Variants in ZNF347 observed in about 807,000 individuals in gnomAD.
ZNF347 encodes the protein CTD-2620I22.7.
Under a neutral mutation model 12.9 loss-of-function variants are expected in ZNF347, and 19 were observed. The ratio of observed to expected loss-of-function variants is 1.47; its 90% CI spans 1.03 to 2.16. The LOEUF is 2.16. Among genes scored for constraint, ZNF347 ranks in the 30% most tolerant of loss-of-function variants. The pLI, the probability that ZNF347 is intolerant of heterozygous loss-of-function variation, is 0.00. For synonymous variants in ZNF347, 328 were observed against 340.6 expected, an observed-to-expected ratio of 0.96 and a Z score of 0.41; for missense variants, 1,005 against 990.6, an observed-to-expected ratio of 1.01 and a Z score of -0.19.
At chr19:53,147,360 A>G (rs985942580) in intron 4 of ZNF347, among the ~76,000 whole-genome samples, 3 of 151,696 alleles carry the variant, frequency 2.0e-5, no homozygotes, top group Admixed American at 2.0e-4. Flanking sequence ...GGACAAGAGA[A>G]CGAGACTGCA....
At chr19:53,144,120 C>T (rs2090446967) in intron 4 of ZNF347, among the ~76,000 whole-genome samples, 1 of 151,356 alleles carries the variant, frequency 6.6e-6, no homozygotes, top group South Asian at 2.1e-4. Flanking sequence ...TAGTATAAGT[C>T]CTTACCTATC....
In ZNF347 at chr19:53,135,385, G is replaced by A. The variant is rs918611289; in HGVS notation, c.*4923C>T. ...AGAGAGAGAAAGAGAGAGAGAGAGA[G>A]AGAGAGAGATGGAGTCCCGCTCTGT... On this transcript the variant is annotated 3_prime_UTR_variant, in exon 5 of 5. Coordinates refer to ENST00000334197, the MANE Select transcript of ZNF347 (RefSeq NM_032584.3). The A allele has an allele frequency of 1.3e-5, 2 of 148,842 alleles. No homozygotes were observed. Among genetic ancestry groups the A allele is most frequent in the Non-Finnish European group, 3.0e-5 (2 of 67,238 alleles). The allele number at this position is 148,842 out of a possible 1,614,324, so 9.2% of individuals were successfully genotyped here.
In ZNF347 at chr19:53,141,081, G is replaced by A. The variant is rs1361145629; in HGVS notation, c.1747C>T (p.His583Tyr). ...ECGKVFTQNS[H>Y]LARHRGIHTG... ...TGAATTCCCCGATGTCTTGCAAGGT[G>A]TGAATTCTGAGTGAAGACCTTGCCA... Residue 583 changes from histidine to tyrosine, a missense_variant, in exon 5 of 5, where the codon CAC becomes TAC. Transcript: ENST00000334197. 1.9e-6 allele frequency: 3 copies of A among 1,613,664 alleles called. No individual in the cohort carries two copies. Among genetic ancestry groups the A allele is most frequent in the Non-Finnish European group, 8.5e-7 (1 of 1,179,934 alleles).
chr19:53,147,582 A>ATAC (rs2090471355), intron 4 of ZNF347, among the ~76,000 whole-genome samples: 1 of 151,862 alleles, frequency 6.6e-6, no homozygotes, highest in South Asian at 2.1e-4. Context: ...AATAATAATA[A>ATAC]TAAAGAAAGA....
intron 1 of ZNF347, among the ~76,000 whole-genome samples, chr19:53,155,844 A>T (rs2090530208): frequency 6.6e-6 from 1 of 152,190 alleles, no homozygotes; most frequent in Admixed American, 6.5e-5. Context: ...GGCCATTCCC[A>T]GTCACTACTG....
At chr19:53,146,535 C>A (rs1476121864) in intron 4 of ZNF347, among the ~76,000 whole-genome samples, 2 of 152,078 alleles carry the variant, frequency 1.3e-5, no homozygotes, top group Non-Finnish European at 2.9e-5. Flanking sequence ...CTCAGTCTCC[C>A]AAGTTCCTGG....
rs201828052 is a variant in ZNF347 at position 53,141,635 on chromosome 19, T to C, written c.1193A>G (p.Glu398Gly). ...LAIHQATHSG[E>G]KPYKCNECGK... is the part of the protein sequence containing the mutation. ...ACATTCATTACATTTGTAAGGTTTT[T>C]CTCCACTGTGGGTTGCCTGATGGAT... The change falls in exon 5 of 5, where the codon GAA (glutamate) becomes GGA (glycine). Residue 398 changes from glutamate to glycine, a missense_variant. Physicochemically the swap from Glu to Gly is moderately conservative, Grantham distance 98. Transcript: ENST00000334197. 1.9e-6 allele frequency: 3 copies of C among 1,614,052 alleles called. No individual in the cohort carries two copies. Among genetic ancestry groups the C allele is most frequent in the African/African-American group, 2.7e-5 (2 of 75,026 alleles).
At chr19:53,155,294 CTGTGTGTGTGTGTGTGTGTG>C (rs61275588) in intron 1 of ZNF347, among the ~76,000 whole-genome samples, 1 of 141,936 alleles carries the variant, frequency 7.0e-6, no homozygotes, top group Middle Eastern at 3.7e-3. Flanking sequence ...AGACTTTATT[CTGTGTGTGTGTGTGTGTGTG>C]TGTGTGTGTG....
In ZNF347 at chr19:53,148,828, G is replaced by A. The variant is rs970527922; in HGVS notation, c.143-19C>T. ...GAGATTCCTGCTTATGAAAAGAAAGGAAAACAATGGGCTGTAGATTTTCCA... is the reference window on the plus strand; with the variant it reads ...GAGATTCCTGCTTATGAAAAGAAAGAAAAACAATGGGCTGTAGATTTTCCA... On this transcript the variant is annotated intron_variant, in intron 3 of 4. Coordinates refer to ENST00000334197, the MANE Select transcript of ZNF347 (RefSeq NM_032584.3). 4 of 1,610,962 alleles carry A rather than the reference G, an allele frequency of 2.5e-6. No individual in the cohort carries two copies. The highest frequency in any genetic ancestry group is 2.5e-6 in the Non-Finnish European group (3 of 1,178,538).
chr19:53,157,464 G>A (rs1190779162), intron 1 of ZNF347, among the ~76,000 whole-genome samples: 2 of 151,702 alleles, frequency 1.3e-5, no homozygotes, highest in Non-Finnish European at 1.5e-5. Flanking sequence ...GCGTCGTTCT[G>A]AGCCCCTCTC....
Position 53,153,627 on chromosome 19 carries a change from C to A in ZNF347, c.15+106G>T. On this transcript the variant is annotated intron_variant, in intron 2 of 4. Coordinates refer to ENST00000334197, the MANE Select transcript of ZNF347 (RefSeq NM_032584.3). ...GAAGGCACGCGTAAGTGCGAGCAAA[C>A]CTGTCAGGCAGGACGCTTCAGACTC... 4 of 1,505,362 alleles carry A rather than the reference C, an allele frequency of 2.7e-6. No homozygotes were observed. The South Asian group carries it at 4.5e-5, about 17-fold the overall frequency. The allele number at this position is 1,505,362 out of a possible 1,614,324, so 93.3% of individuals were successfully genotyped here.
At chr19:53,147,067 C>G (rs971622948) in intron 4 of ZNF347, among the ~76,000 whole-genome samples, 1 of 151,968 alleles carries the variant, frequency 6.6e-6, no homozygotes, top group African/African-American at 2.4e-5. Flanking sequence ...AAGACCTCGG[C>G]TCTACTAAAA....
At chr19:53,145,015 C>A (rs997799499) in intron 4 of ZNF347, among the ~76,000 whole-genome samples, 1 of 151,956 alleles carries the variant, frequency 6.6e-6, no homozygotes, top group Non-Finnish European at 1.5e-5. Context: ...CATGGCTGGG[C>A]GTGATGGCTC....
Position 53,149,253 on chromosome 19 carries a change from G to C in ZNF347, c.130C>G (p.Leu44Val), listed in dbSNP as rs374232143. 163 of 1,612,968 alleles carry C rather than the reference G, an allele frequency of 1.0e-4. No individual in the cohort carries two copies. The highest frequency in any genetic ancestry group is 1.3e-4 in the Non-Finnish European group (149 of 1,179,726). Residue 44 changes from leucine to valine, a missense_variant, in exon 3 of 5, where the codon CTG (leucine) becomes GTG (valine). Leu to Val is a conservative substitution (Grantham distance 32). Coordinates refer to ENST00000334197, the MANE Select transcript of ZNF347 (RefSeq NM_032584.3). ...AAGTCATCCTCACCCAGGGAGGCCA[G>C]GTTCCTATAATTCTCCAACATCACG... ...RDVMLENYRN[L>V]ASLGISCFDL...
chr19:53,136,182 T>C lies in ZNF347; in HGVS notation c.*4126A>G, dbSNP rs954868543. 8 of 150,536 alleles carry C rather than the reference T, an allele frequency of 5.3e-5. No individual in the cohort carries two copies. Among genetic ancestry groups the C allele is most frequent in the Admixed American group, 2.0e-4 (3 of 14,878 alleles). The allele number at this position is 150,536 out of a possible 1,614,324, so 9.3% of individuals were successfully genotyped here. A position where few individuals can be genotyped will look rare whatever the true frequency, so the allele number is the denominator to read the frequency against. ...CATATTAAGAGACTTCATTTCACCA[T>C]CTAGTATCCCTGTACTTTAATTGAA... On this transcript the variant is annotated 3_prime_UTR_variant, in exon 5 of 5. Coordinates refer to ENST00000334197, the MANE Select transcript of ZNF347 (RefSeq NM_032584.3).
chr19:53,139,399 C>A lies in ZNF347; in HGVS notation c.*909G>T, dbSNP rs1022141957. On this transcript the variant is annotated 3_prime_UTR_variant, in exon 5 of 5. Coordinates refer to ENST00000334197, the MANE Select transcript of ZNF347 (RefSeq NM_032584.3). ...AAGTAAGCCTTTCCATACTGTGGTT[C>A]TTTCCCAGATAGGCACCACGAAAGG... 2 of 152,294 alleles carry A rather than the reference C, an allele frequency of 1.3e-5. No individual in the cohort carries two copies. The highest frequency in any genetic ancestry group is 3.9e-4 in the East Asian group (2 of 5,176). 9.4% of individuals were successfully genotyped at this position (152,294 alleles called of 1,614,324 possible). A position where few individuals can be genotyped will look rare whatever the true frequency, so the allele number is the denominator to read the frequency against.
chr19:53,148,590 A>AC, intron 4 of ZNF347, 91 bp downstream of exon 4: 1 of 893,734 alleles, frequency 1.1e-6, no homozygotes, highest in Middle Eastern at 2.5e-4. Context: ...CAGAATTCAA[A>AC]CTTGTTTTCC....
At position 53,136,793 on chromosome 19, in the gene ZNF347, T is replaced by A. The variant is rs1033557209; in HGVS notation, c.*3515A>T. 5 of 152,232 alleles carry A rather than the reference T, an allele frequency of 3.3e-5. No homozygotes were observed. The highest frequency in any genetic ancestry group is 3.2e-3 in the Middle Eastern group (1 of 316). 9.4% of individuals were successfully genotyped at this position (152,232 alleles called of 1,614,324 possible). On this transcript the variant is annotated 3_prime_UTR_variant, in exon 5 of 5. Transcript: ENST00000334197. ...AGCATTTCACAAATATTTTCAAGAA[T>A]GACGTTGTGTAATGGGCCCTATGGG... is the stretch of plus-strand genomic sequence containing the variant.
Position 53,140,159 on chromosome 19 carries a change from C to G in ZNF347, c.*149G>C. Reference sequence around the variant, plus strand: ...AGGTGATCCACCTGCCTCGGACTCCCAAAGTGTTGGGATTACAGGCATGAG... The same window carrying G: ...AGGTGATCCACCTGCCTCGGACTCCGAAAGTGTTGGGATTACAGGCATGAG... On this transcript the variant is annotated 3_prime_UTR_variant, in exon 5 of 5. Transcript: ENST00000334197. 1 of 783,474 alleles carries G rather than the reference C, an allele frequency of 1.3e-6. No individual in the cohort carries two copies. Among genetic ancestry groups the G allele is most frequent in the Non-Finnish European group, 2.0e-6 (1 of 502,986 alleles). The allele number at this position is 783,474 out of a possible 1,614,324, so 48.5% of individuals were successfully genotyped here.
Sources: allele counts gnomAD v4.1 joint callset (sites outside exome capture counted in the v4.1 genomes callset), GRCh38; gene constraint gnomAD v4.1.1; transcripts MANE v1.5; gene names NCBI Gene and HGNC (gene_info 2026-07-23, HGNC 2026-07-21).